Variants in ABHD14B observed in about 807,000 individuals in gnomAD.
The protein encoded by ABHD14B is abhydrolase domain containing 14B, also known as putative protein-lysine deacylase ABHD14B.
In ABHD14B, 19 loss-of-function variants were observed where a neutral mutation model predicts 15.4. The ratio of observed to expected loss-of-function variants is 1.23; its 90% CI spans 0.86 to 1.81. The LOEUF (loss-of-function observed/expected upper bound fraction) is 1.81, where lower values mean the gene tolerates loss of function less well. Ranked by LOEUF, ABHD14B falls within the 40% of genes most tolerant of loss-of-function variation. The pLI is 0.00. For synonymous variants in ABHD14B, 92 were observed against 117.3 expected (o/e 0.78, Z 1.39); for missense variants, 243 against 267.0 (o/e 0.91, Z 0.63).
chr3:51,969,525 G>A lies in ABHD14B; in HGVS notation c.534C>T (p.His178=). 1 of 1,613,960 alleles carries A rather than the reference G, an allele frequency of 6.2e-7. No homozygotes were observed. Among genetic ancestry groups the A allele is most frequent in the Non-Finnish European group, 8.5e-7 (1 of 1,180,002 alleles). ...SFEHLKQLPN[H]RVLIMKGAGH... is the part of the protein sequence containing the mutation. ...CCGCCCCCTTCATGATCAGCACCCG[G>A]TGGTTGGGCAGCTGCTTCAGGTGCT... The change falls in exon 4 of 4, where the codon CAC becomes CAT. Residue 178 remains histidine (H), a synonymous_variant. Coordinates refer to ENST00000361143, the MANE Select transcript of ABHD14B (RefSeq NM_001146314.2).
Position 51,969,473 on chromosome 3 carries a change from C to T in ABHD14B, c.586G>A (p.Glu196Lys). 1 of 1,613,942 alleles carries T rather than the reference C, an allele frequency of 6.2e-7. No homozygotes were observed. The highest frequency in any genetic ancestry group is 8.5e-7 in the Non-Finnish European group (1 of 1,179,970). ...AGHPCYLDKP[E>K]EWHTGLLDFL... ...TCCAGCAGCCCTGTATGCCACTCCT[C>T]TGGTTTGTCCAGGTAACAGGGGTGC... The change falls in exon 4 of 4, where the codon GAG (glutamate) becomes AAG (lysine). Residue 196 changes from glutamate to lysine, a missense_variant. Physicochemically the swap from Glu to Lys is moderately conservative, Grantham distance 56. Coordinates refer to ENST00000361143, the MANE Select transcript of ABHD14B (RefSeq NM_001146314.2).
At chr3:51,973,787 G>A in intron 1 of ABHD14B, 178 bp downstream of exon 1, 6 of 1,266,714 alleles carry the variant, frequency 4.7e-6, no homozygotes, top group Non-Finnish European at 6.2e-6. Flanking sequence ...TTGACCTCGC[G>A]GTCAGGTTGC....
In ABHD14B at chr3:51,973,953, C is replaced by T; in HGVS notation, c.-29+12G>A. 1 of 1,289,698 alleles carries T rather than the reference C, an allele frequency of 7.8e-7. No homozygotes were observed. Among genetic ancestry groups the T allele is most frequent in the Non-Finnish European group, 1.0e-6 (1 of 988,854 alleles). The allele number at this position is 1,289,698 out of a possible 1,614,324, so 79.9% of individuals were successfully genotyped here. On this transcript the variant is annotated intron_variant, in intron 1 of 3. Coordinates refer to ENST00000361143, the MANE Select transcript of ABHD14B (RefSeq NM_001146314.2). ...TGGAGAGAAGAAAGGGTCAGGAGTG[C>T]AGGGCGGGTACCTGGGGAGCTGCGT...
At chr3:51,973,822 G>A in intron 1 of ABHD14B, 143 bp downstream of exon 1, 1 of 1,289,076 alleles carries the variant, frequency 7.8e-7, no homozygotes, top group Non-Finnish European at 1.0e-6. Context: ...GTTCTGGCTC[G>A]CTAGCTCTGG....
At chr3:51,974,253 G>A, upstream of ABHD14B, 2 of 358,246 alleles carry the variant, frequency 5.6e-6, no homozygotes, top group Middle Eastern at 1.0e-3. Context: ...CATGGACATG[G>A]AGCAGTCTGA....
At chr3:51,974,278 T>C (rs1700734063), upstream of ABHD14B, 1 of 345,216 alleles carries the variant, frequency 2.9e-6, no homozygotes, top group Non-Finnish European at 5.7e-6. Flanking sequence ...GAAAGTTCCT[T>C]CGGGATCGCA....
At chr3:51,969,902 T>C (rs1700621068) in intron 3 of ABHD14B, 41 bp downstream of exon 3, 1 of 1,614,144 alleles carries the variant, frequency 6.2e-7, no homozygotes, top group African/African-American at 1.3e-5. Context: ...CACCCTTCCT[T>C]GCTCCTGGCA....
chr3:51,968,839 T>C lies in ABHD14B; in HGVS notation c.*587A>G, dbSNP rs1350475011. On this transcript the variant is annotated 3_prime_UTR_variant, in exon 4 of 4. Transcript: ENST00000361143. ...AGGTTAGCATGGTTAGGAGTCCACA[T>C]GTGTGCAAGTGCTTGTGTGGAGGCT... 1.3e-5 allele frequency: 2 copies of C among 152,414 alleles called. No individual in the cohort carries two copies. Among genetic ancestry groups the C allele is most frequent in the African/African-American group, 4.8e-5 (2 of 41,446 alleles). The allele number at this position is 152,414 out of a possible 1,614,324, so 9.4% of individuals were successfully genotyped here.
At chr3:51,969,858 T>C in intron 3 of ABHD14B, 85 bp downstream of exon 3, 1 of 1,610,040 alleles carries the variant, frequency 6.2e-7, no homozygotes, top group Non-Finnish European at 8.5e-7. Flanking sequence ...ACCCCTTGAT[T>C]ATCCAGCCCC....
chr3:51,970,672 C>G lies in ABHD14B; in HGVS notation c.212-488G>C, dbSNP rs1374647277. Reference sequence around the variant, plus strand: ...AGCTGAGGGGTCGGTTCTGCAGCTCCTCCTCCAGTCATTCAGGCTTCACCA... The same window carrying G: ...AGCTGAGGGGTCGGTTCTGCAGCTCGTCCTCCAGTCATTCAGGCTTCACCA... On this transcript the variant is annotated intron_variant, in intron 2 of 3. Transcript: ENST00000361143. The G allele has an allele frequency of 1.7e-5, 8 of 457,558 alleles. No homozygotes were observed. In the East Asian group the frequency reaches 5.5e-4, roughly 32 times the overall value. 28.3% of individuals were successfully genotyped at this position (457,558 alleles called of 1,614,324 possible). A position where few individuals can be genotyped will look rare whatever the true frequency, so the allele number is the denominator to read the frequency against.
intron 2 of ABHD14B, 25 bp downstream of exon 2, chr3:51,971,435 G>T (rs770668230): frequency 3.3e-6 from 5 of 1,535,870 alleles, no homozygotes; most frequent in Non-Finnish European, 4.4e-6. Flanking sequence ...CCCAAACCCT[G>T]CCCAGAAGCC....
intron 3 of ABHD14B, 135 bp from the exon 4 acceptor site, chr3:51,969,740 C>T: frequency 7.1e-7 from 1 of 1,399,396 alleles, no homozygotes; most frequent in Non-Finnish European, 9.9e-7. Context: ...TGGGTGGGGG[C>T]ACAGATTGGT....
Position 51,969,544 on chromosome 3 carries a change from A to T in ABHD14B, c.515T>A (p.Leu172Gln). The T allele has an allele frequency of 6.2e-7, 1 of 1,613,896 alleles. No individual in the cohort carries two copies. The highest frequency in any genetic ancestry group is 8.5e-7 in the Non-Finnish European group (1 of 1,179,982). Residue 172 changes from leucine (L) to glutamine (Q), a missense_variant, in exon 4 of 4, where the codon CTG becomes CAG. By Grantham distance (113) the Leu-to-Gln change is moderately radical. Coordinates refer to ENST00000361143, the MANE Select transcript of ABHD14B (RefSeq NM_001146314.2). ...CACCCGGTGGTTGGGCAGCTGCTTC[A>T]GGTGCTCAAAGCTGGTCTGACCCAT... is the stretch of plus-strand genomic sequence containing the variant. ...DPMGQTSFEH[L>Q]KQLPNHRVLI...
chr3:51,971,816 G>T, intron 1 of ABHD14B, 118 bp from the exon 2 acceptor site: 2 of 1,432,960 alleles, frequency 1.4e-6, no homozygotes, highest in Non-Finnish European at 1.8e-6. Flanking sequence ...ACATGCCTTG[G>T]GGTCAGGAGG....
intron 2 of ABHD14B, chr3:51,970,746 T>C (rs753975874): frequency 2.2e-5 from 10 of 456,632 alleles, no homozygotes; most frequent in South Asian, 4.6e-5. Flanking sequence ...CAACCCACCA[T>C]TGGAATCAAT....
In ABHD14B at chr3:51,968,724, A is replaced by G. The variant is rs1387931706; in HGVS notation, c.*702T>C. 2 of 152,218 alleles carry G rather than the reference A, an allele frequency of 1.3e-5. No homozygotes were observed. Among genetic ancestry groups the G allele is most frequent in the Non-Finnish European group, 2.9e-5 (2 of 68,054 alleles). 9.4% of individuals were successfully genotyped at this position (152,218 alleles called of 1,614,324 possible). On this transcript the variant is annotated 3_prime_UTR_variant, in exon 4 of 4. Transcript: ENST00000361143. ...TGGGGCCAGCTGAAACCTGTGTCCA[A>G]GTAGCTTTCAGGGCTGGCCACACCC...
chr3:51,972,608 G>T lies in ABHD14B; in HGVS notation c.-28-910C>A, dbSNP rs72964014. On this transcript the variant is annotated intron_variant, in intron 1 of 3. Transcript: ENST00000361143. ...AAAAACAGAAAAATTATCAGTGGGG[G>T]TGCCTGCTGTAAAACCTCAATATGT... Among the ~76,000 whole-genome samples, 1,360 of 152,058 alleles carry T rather than the reference G, an allele frequency of 8.9e-3. 19 individuals carry two copies. Among genetic ancestry groups the T allele is most frequent in the African/African-American group, 0.032 (1,318 of 41,346 alleles).
chr3:51,973,762 C>CT (rs1700713988), intron 1 of ABHD14B: 25 of 1,157,962 alleles, frequency 2.2e-5, no homozygotes, highest in Middle Eastern at 3.2e-4. Context: ...GCGCTGCCAC[C>CT]TGGGGCCCAA....
At chr3:51,969,663 C>T in intron 3 of ABHD14B, 58 bp from the exon 4 acceptor site, 1 of 1,554,164 alleles carries the variant, frequency 6.4e-7, no homozygotes, top group Non-Finnish European at 8.7e-7. Context: ...ATAGCATCCC[C>T]AGCCCTCCCC....
Sources: gnomAD v4.1 joint callset for allele counts (sites outside exome capture counted in the v4.1 genomes callset) on GRCh38, gnomAD v4.1.1 for gene constraint, MANE v1.5 for transcripts, NCBI Gene and HGNC (gene_info 2026-07-23, HGNC 2026-07-21) for gene names.